MOB3B: variants seen among roughly 807,000 people sequenced by gnomAD.
The protein encoded by MOB3B is MOB kinase activator 3B.
Under a neutral mutation model 18.7 loss-of-function variants are expected in MOB3B, and 7 were observed. The ratio of observed to expected loss-of-function variants is 0.37; its 90% CI spans 0.21 to 0.70. The LOEUF (loss-of-function observed/expected upper bound fraction) is 0.70. Among genes scored for constraint, MOB3B ranks in the 30% least tolerant of loss-of-function variants. MOB3B has a pLI of 0.52. For synonymous variants in MOB3B, 111 were observed against 99.9 expected, an observed-to-expected ratio of 1.11 and a Z score of -0.66; for missense variants, 253 against 281.3, an observed-to-expected ratio of 0.90 and a Z score of 0.72.
rs576768031 is a variant in MOB3B, at chr9:27,395,338, C to T, written c.419-36102G>A. 6.5e-4 allele frequency among the ~76,000 whole-genome samples: 99 copies of T among 152,102 alleles called. 1 individual carries two copies. Among genetic ancestry groups the T allele is most frequent in the South Asian group, 3.1e-3 (15 of 4,814 alleles). On this transcript the variant is annotated intron_variant, in intron 2 of 3. Transcript: ENST00000262244. Reference sequence around the variant, plus strand: ...CCACAAAAAATGATATGAGTTGATTCGTGTTCATTAGCTTGTTTTAATCAT... The same window carrying T: ...CCACAAAAAATGATATGAGTTGATTTGTGTTCATTAGCTTGTTTTAATCAT...
At chr9:27,336,613 C>T (rs1820867292) in intron 3 of MOB3B, among the ~76,000 whole-genome samples, 1 of 152,054 alleles carries the variant, frequency 6.6e-6, no homozygotes, top group African/African-American at 2.4e-5. Context: ...TAAAGCAGGG[C>T]AGTGAGCAGT....
chr9:27,486,324 A>G (rs1436558650), intron 1 of MOB3B, among the ~76,000 whole-genome samples: 1 of 152,214 alleles, frequency 6.6e-6, no homozygotes, highest in Non-Finnish European at 1.5e-5. Flanking sequence ...TACCTATCTA[A>G]AGTTTCATTT....
At chr9:27,514,073 T>A (rs1284156723) in intron 1 of MOB3B, among the ~76,000 whole-genome samples, 1 of 152,152 alleles carries the variant, frequency 6.6e-6, no homozygotes, top group Non-Finnish European at 1.5e-5. Context: ...CAATCCCAGT[T>A]TCTCCTGAAG....
chr9:27,491,789 C>T (rs1005436902), intron 1 of MOB3B, among the ~76,000 whole-genome samples: 16 of 152,162 alleles, frequency 1.1e-4, no homozygotes, highest in Admixed American at 2.6e-4. Context: ...AGGAGAATGG[C>T]GTGAACCAGG....
intron 1 of MOB3B, among the ~76,000 whole-genome samples, chr9:27,486,374 C>T (rs1819730070): frequency 6.6e-6 from 1 of 152,154 alleles, no homozygotes; most frequent in African/African-American, 2.4e-5. Flanking sequence ...AGATCTGGAA[C>T]AAGAAATCCA....
At chr9:27,388,378 A>G (rs534096911) in intron 2 of MOB3B, among the ~76,000 whole-genome samples, 1 of 152,304 alleles carries the variant, frequency 6.6e-6, no homozygotes, top group South Asian at 2.1e-4. Context: ...CAGCTTTCAT[A>G]TTAGCACTGA....
intron 3 of MOB3B, among the ~76,000 whole-genome samples, chr9:27,350,322 G>A (rs940958399): frequency 2.0e-5 from 3 of 150,032 alleles, no homozygotes; most frequent in Non-Finnish European, 3.0e-5. Context: ...TTTATCATCT[G>A]TGGACATATG....
At chr9:27,386,576 G>A (rs1821652866) in intron 2 of MOB3B, among the ~76,000 whole-genome samples, 1 of 152,206 alleles carries the variant, frequency 6.6e-6, no homozygotes, top group Non-Finnish European at 1.5e-5. Flanking sequence ...TCACCAGATG[G>A]AAGCGCTTTT....
At chr9:27,522,294 T>C (rs1206832829) in intron 1 of MOB3B, among the ~76,000 whole-genome samples, 1 of 82,476 alleles carries the variant, frequency 1.2e-5, no homozygotes, top group Non-Finnish European at 2.8e-5. Flanking sequence ...GAAAAAGAAA[T>C]ACTTGCTCAC....
At chr9:27,368,286 A>G (rs1327380513) in intron 2 of MOB3B, among the ~76,000 whole-genome samples, 1 of 151,790 alleles carries the variant, frequency 6.6e-6, no homozygotes, top group East Asian at 1.9e-4. Flanking sequence ...TCATCCATCC[A>G]TTCTCCTGCC....
intron 1 of MOB3B, chr9:27,526,484 T>TAATAACTAAA (rs1820439916): frequency 6.6e-6 from 1 of 152,236 alleles, no homozygotes; most frequent in African/African-American, 2.4e-5. Context: ...AGTCTTTGCC[T>TAATAACTAAA]GTTCTCTCTA....
chr9:27,445,510 G>A (rs1365912712), intron 2 of MOB3B, among the ~76,000 whole-genome samples: 3 of 152,152 alleles, frequency 2.0e-5, no homozygotes, highest in South Asian at 2.1e-4. Context: ...CTGGTACCTC[G>A]TTGACACATT....
chr9:27,501,169 C>T (rs1427791519), intron 1 of MOB3B, among the ~76,000 whole-genome samples: 1 of 152,118 alleles, frequency 6.6e-6, no homozygotes, highest in Non-Finnish European at 1.5e-5. Flanking sequence ...TAAACTAGTT[C>T]AACAATTGTG....
chr9:27,443,263 G>T (rs756671062), intron 2 of MOB3B, among the ~76,000 whole-genome samples: 1 of 152,070 alleles, frequency 6.6e-6, no homozygotes, highest in Non-Finnish European at 1.5e-5. Context: ...GAAGCTTAAG[G>T]GTATTTGACA....
At chr9:27,374,918 T>C (rs1821470429) in intron 2 of MOB3B, among the ~76,000 whole-genome samples, 1 of 152,222 alleles carries the variant, frequency 6.6e-6, no homozygotes, top group Non-Finnish European at 1.5e-5. Context: ...AAAAGTTACC[T>C]GTGATTGCAA....
chr9:27,451,466 C>T (rs1287705247), intron 2 of MOB3B, among the ~76,000 whole-genome samples: 2 of 152,140 alleles, frequency 1.3e-5, no homozygotes, highest in East Asian at 3.9e-4. Flanking sequence ...TGAAATAGCA[C>T]GGGTCACCTA....
At chr9:27,426,399 T>A (rs1822331582) in intron 2 of MOB3B, among the ~76,000 whole-genome samples, 1 of 152,002 alleles carries the variant, frequency 6.6e-6, no homozygotes, top group African/African-American at 2.4e-5. Context: ...CAGGGAGAGG[T>A]CTAGGGGACA....
At chr9:27,505,572 A>G (rs543733411) in intron 1 of MOB3B, among the ~76,000 whole-genome samples, 21 of 152,366 alleles carry the variant, frequency 1.4e-4, no homozygotes, top group Admixed American at 6.5e-4. Context: ...AAATTTAGGA[A>G]GAAGTTGGGA....
At chr9:27,334,060 G>T (rs2131331765) in intron 3 of MOB3B, among the ~76,000 whole-genome samples, 1 of 152,244 alleles carries the variant, frequency 6.6e-6, no homozygotes, top group East Asian at 1.9e-4. Context: ...GCACACATTT[G>T]CATTCTATCA....
Sources: allele counts gnomAD v4.1 joint callset (sites outside exome capture counted in the v4.1 genomes callset), GRCh38; gene constraint gnomAD v4.1.1; transcripts MANE v1.5; gene names NCBI Gene and HGNC (gene_info 2026-07-23, HGNC 2026-07-21).